Variants in TRIM67 observed in about 807,000 individuals in gnomAD.
TRIM67 encodes the protein tripartite motif-containing protein 67.
TRIM67 carries 39 observed loss-of-function variants against 71.0 expected under a neutral mutation model. The ratio of observed to expected loss-of-function variants is 0.55; its 90% confidence interval spans 0.43 to 0.72. The LOEUF (loss-of-function observed/expected upper bound fraction) is 0.72, where lower values mean the gene tolerates loss of function less well. Among genes scored for constraint, TRIM67 ranks in the 30% least tolerant of loss-of-function variants. TRIM67 has a pLI of 0.00. For missense variants in TRIM67, 973 were observed against 1,079.2 expected, an observed-to-expected ratio of 0.90 and a Z score of 1.38; for synonymous variants, 481 against 473.9, an observed-to-expected ratio of 1.01 and a Z score of -0.19.
intron 1 of TRIM67, among the ~76,000 whole-genome samples, chr1:231,179,785 TC>T (rs1184341678): frequency 6.6e-6 from 1 of 152,296 alleles, no homozygotes; most frequent in East Asian, 1.9e-4. Context: ...CAGATTGTGC[TC>T]CTCTGAAGCT....
chr1:231,184,955 G>A lies in TRIM67; in HGVS notation c.1045-12416G>A. 7.0e-6 allele frequency: 10 copies of A among 1,433,730 alleles called. No individual in the cohort carries two copies. The Middle Eastern group carries it at 7.3e-4, about 104-fold the overall frequency. The allele number at this position is 1,433,730 out of a possible 1,614,324, so 88.8% of individuals were successfully genotyped here. ...CCCAACCCTGAAGCCCAGCTCTAAG[G>A]GTTGCTGGATAAACACCCAGCAGTG... On this transcript the variant is annotated intron_variant, in intron 1 of 9. Transcript: ENST00000366653.
At chr1:231,169,294 A>T (rs1461801490) in intron 1 of TRIM67, among the ~76,000 whole-genome samples, 2 of 146,706 alleles carry the variant, frequency 1.4e-5, no homozygotes, top group African/African-American at 2.5e-5. Flanking sequence ...ACCTCAAGTG[A>T]TCTGTCCGCC....
chr1:231,200,892 A>G (rs1407464667), intron 4 of TRIM67, among the ~76,000 whole-genome samples: 1 of 152,220 alleles, frequency 6.6e-6, no homozygotes, highest in Non-Finnish European at 1.5e-5. Context: ...AGTTTGGAGC[A>G]GAAGTTGCAG....
chr1:231,163,545 C>T lies in TRIM67; in HGVS notation c.576C>T (p.Gly192=). The T allele has an allele frequency of 2.6e-6, 4 of 1,513,182 alleles. No individual in the cohort carries two copies. The South Asian group carries it at 3.7e-5, about 14-fold the overall frequency. 93.7% of individuals were successfully genotyped at this position (1,513,182 alleles called of 1,614,324 possible). Residue 192 remains glycine (G), a synonymous_variant, in exon 1 of 10, where the codon GGC becomes GGT. Transcript: ENST00000366653. ...LEAIVQRYQQ[G]RGAVPGTSAA... Reference sequence around the variant, plus strand: ...CCATCGTGCAGCGGTACCAGCAGGGCCGCGGGGCCGTGCCGGGGACGTCTG... The same window carrying T: ...CCATCGTGCAGCGGTACCAGCAGGGTCGCGGGGCCGTGCCGGGGACGTCTG...
chr1:231,170,762 G>A (rs61444675), intron 1 of TRIM67, among the ~76,000 whole-genome samples: 5,949 of 152,244 alleles, frequency 0.039, 193 homozygotes, highest in African/African-American at 0.09. Flanking sequence ...ATTGCTAATG[G>A]TTGCTTTTGG....
Position 231,168,504 on chromosome 1 carries a change from T to C in TRIM67, c.1044+4491T>C, listed in dbSNP as rs1045542279. Among the ~76,000 whole-genome samples the C allele has an allele frequency of 2.0e-5, 3 of 152,232 alleles. No individual in the cohort carries two copies. The South Asian group carries it at 6.2e-4, about 31-fold the overall frequency. On this transcript the variant is annotated intron_variant, in intron 1 of 9. Coordinates refer to ENST00000366653, the MANE Select transcript of TRIM67 (RefSeq NM_001004342.5). Reference sequence around the variant, plus strand: ...TTTAAGATAATTACTGTTTCCAAATTACCTTTCATAAAGATGACACCTACT... The same window carrying C: ...TTTAAGATAATTACTGTTTCCAAATCACCTTTCATAAAGATGACACCTACT...
chr1:231,193,027 G>A (rs145430197), intron 1 of TRIM67, among the ~76,000 whole-genome samples: 111 of 152,276 alleles, frequency 7.3e-4, no homozygotes, highest in African/African-American at 2.6e-3. Context: ...GAAGGCTGGC[G>A]CTGGCTGGGA....
chr1:231,184,863 G>T, intron 1 of TRIM67: 1 of 676,214 alleles, frequency 1.5e-6, no homozygotes, highest in Non-Finnish European at 2.5e-6. Flanking sequence ...CAATTCACAC[G>T]TGAGGACACG....
At position 231,217,630 on chromosome 1, in the gene TRIM67, G is replaced by C; in HGVS notation, c.*2190G>C. On this transcript the variant is annotated 3_prime_UTR_variant, in exon 10 of 10. Transcript: ENST00000366653. ...TACACCCTGCCCCCAGAATGAGAGT[G>C]GGCTAGGCAGGGCTGCCTGGTGACA... is the stretch of plus-strand genomic sequence containing the variant. The C allele has an allele frequency of 8.8e-7, 1 of 1,141,502 alleles. No individual in the cohort carries two copies. The highest frequency in any genetic ancestry group is 1.1e-6 in the Non-Finnish European group (1 of 914,688). 70.7% of individuals were successfully genotyped at this position (1,141,502 alleles called of 1,614,324 possible). A position where few individuals can be genotyped will look rare whatever the true frequency, so the allele number is the denominator to read the frequency against.
At chr1:231,200,494 A>T (rs1683490801) in intron 4 of TRIM67, among the ~76,000 whole-genome samples, 1 of 152,202 alleles carries the variant, frequency 6.6e-6, no homozygotes, top group Non-Finnish European at 1.5e-5. Flanking sequence ...CTAGGCCTGA[A>T]ATGCCTCACT....
chr1:231,208,356 A>G (rs1022550742), intron 7 of TRIM67, among the ~76,000 whole-genome samples: 1 of 151,946 alleles, frequency 6.6e-6, no homozygotes, highest in African/African-American at 2.4e-5. Context: ...TTGTATTTTT[A>G]GTAGAGACAG....
At chr1:231,201,655 C>A in intron 5 of TRIM67, 138 bp downstream of exon 5, 1 of 1,098,702 alleles carries the variant, frequency 9.1e-7, no homozygotes, top group South Asian at 1.6e-5. Context: ...GCCAGAGTCA[C>A]GGACCTAGGT....
chr1:231,210,348 C>T lies in TRIM67; in HGVS notation c.2123+1098C>T, dbSNP rs183358200. On this transcript the variant is annotated intron_variant, in intron 8 of 9. Coordinates refer to ENST00000366653, the MANE Select transcript of TRIM67 (RefSeq NM_001004342.5). ...GGGGCACCTTCCCGCAGAGGAAGGA[C>T]CAGCTTCTTCTTTCTCAGGGAAGCC... Among the ~76,000 whole-genome samples the T allele has an allele frequency of 1.6e-3, 246 of 152,214 alleles. 2 individuals are homozygous for T. Among genetic ancestry groups the T allele is most frequent in the Admixed American group, 3.4e-3 (52 of 15,300 alleles).
At chr1:231,180,648 G>A (rs1285765890) in intron 1 of TRIM67, among the ~76,000 whole-genome samples, 1 of 152,154 alleles carries the variant, frequency 6.6e-6, no homozygotes. Context: ...GAAGAAAAAA[G>A]TCGCATGTGT....
chr1:231,219,439 G>A lies in TRIM67; in HGVS notation c.*3999G>A, dbSNP rs1684089609. ...GGCTGCTTTGTTCCATAGAAAGCCT[G>A]TATGTGACAAAGCTGCCAGCCTTTA... On this transcript the variant is annotated 3_prime_UTR_variant, in exon 10 of 10. Coordinates refer to ENST00000366653, the MANE Select transcript of TRIM67 (RefSeq NM_001004342.5). 1.9e-6 allele frequency: 2 copies of A among 1,039,572 alleles called. No homozygotes were observed. The highest frequency in any genetic ancestry group is 5.1e-5 in the Admixed American group (1 of 19,608). The allele number at this position is 1,039,572 out of a possible 1,614,324, so 64.4% of individuals were successfully genotyped here.
At chr1:231,213,709 T>A (rs916487667) in intron 8 of TRIM67, 106 bp from the exon 9 acceptor site, 4 of 1,358,620 alleles carry the variant, frequency 2.9e-6, no homozygotes, top group Non-Finnish European at 4.0e-6. Context: ...CCAGCCTGGG[T>A]GACAGAGTGA....
chr1:231,197,629 C>T (rs950667246), intron 2 of TRIM67, among the ~76,000 whole-genome samples, 163 bp downstream of exon 2: 1 of 152,158 alleles, frequency 6.6e-6, no homozygotes, highest in African/African-American at 2.4e-5. Flanking sequence ...AGTTTGAGAC[C>T]AGCCTTACCA....
chr1:231,163,869 C>T lies in TRIM67; in HGVS notation c.900C>T (p.Phe300=). The T allele has an allele frequency of 1.3e-6, 2 of 1,570,770 alleles. No homozygotes were observed. The highest frequency in any genetic ancestry group is 1.7e-4 in the Middle Eastern group (1 of 6,012). The change falls in exon 1 of 10, where the codon TTC becomes TTT. Residue 300 remains phenylalanine (F), a synonymous_variant. Transcript: ENST00000366653. ...CTGGGGGCAGCACGGCCCGCAAGTT[C>T]CCCACGTGTCCCGAGCATGAAATGG... is the stretch of plus-strand genomic sequence containing the variant. The part of the protein sequence containing the change: ...GATGGSTARK[F]PTCPEHEMEN...
At chr1:231,212,991 C>T (rs1683914944) in intron 8 of TRIM67, among the ~76,000 whole-genome samples, 1 of 152,154 alleles carries the variant, frequency 6.6e-6, no homozygotes, top group Non-Finnish European at 1.5e-5. Context: ...CACCCTTCTG[C>T]CTGCCATACG....
Sources: gnomAD v4.1 joint callset for allele counts (sites outside exome capture counted in the v4.1 genomes callset) on GRCh38, gnomAD v4.1.1 for gene constraint, MANE v1.5 for transcripts, NCBI Gene and HGNC (gene_info 2026-07-23, HGNC 2026-07-21) for gene names.